MYO9A: variants seen among roughly 807,000 people sequenced by gnomAD.
The protein encoded by MYO9A is myosin IXA.
MYO9A carries 103 observed loss-of-function variants against 293.3 expected under a neutral mutation model. The ratio of observed to expected loss-of-function variants is 0.35; its 90% CI spans 0.30 to 0.41. The LOEUF (loss-of-function observed/expected upper bound fraction) is 0.41. MYO9A is among the 10% of genes least tolerant of loss of function. The pLI is 1.00. For synonymous variants in MYO9A, 1,001 were observed against 1,035.7 expected (o/e 0.97, Z 0.64); for missense variants, 2,685 against 3,033.0 (o/e 0.89, Z 2.69).
intron 14 of MYO9A, chr15:71,958,434 T>C (rs576589102): frequency 6.6e-6 from 1 of 152,316 alleles, no homozygotes; most frequent in African/African-American, 2.4e-5. Flanking sequence ...CACTGATATA[T>C]TGTAATATAA....
intron 2 of MYO9A, 103 bp from the exon 3 acceptor site, chr15:72,032,691 TAAAG>T: frequency 3.2e-6 from 2 of 620,928 alleles, no homozygotes; most frequent in East Asian, 6.2e-5. Flanking sequence ...GACAAAATGT[TAAAG>T]AGACAGTAAA....
intron 19 of MYO9A, among the ~76,000 whole-genome samples, chr15:71,907,199 T>C (rs1405005977): frequency 1.3e-5 from 2 of 151,002 alleles, no homozygotes; most frequent in Non-Finnish European, 3.0e-5. Context: ...CGGTGTTTGG[T>C]TTTTTGTTTT....
intron 1 of MYO9A, among the ~76,000 whole-genome samples, chr15:72,103,967 C>T (rs1200059112): frequency 6.6e-6 from 1 of 152,210 alleles, no homozygotes; most frequent in Admixed American, 6.5e-5. Flanking sequence ...TTCCCTTAAA[C>T]TGAACATTTT....
intron 39 of MYO9A, among the ~76,000 whole-genome samples, chr15:71,831,350 T>C (rs2054718518): frequency 6.6e-6 from 1 of 152,228 alleles, no homozygotes; most frequent in East Asian, 1.9e-4. Flanking sequence ...GAGTTGATTG[T>C]TGAGACAGAG....
intron 1 of MYO9A, among the ~76,000 whole-genome samples, chr15:72,085,319 G>A (rs1426869358): frequency 6.6e-6 from 1 of 151,984 alleles, no homozygotes; most frequent in Non-Finnish European, 1.5e-5. Context: ...TTTCAACCCA[G>A]GAGGCAAATG....
chr15:71,951,423 A>G (rs1322360822), intron 15 of MYO9A, among the ~76,000 whole-genome samples: 1 of 148,448 alleles, frequency 6.7e-6, no homozygotes, highest in African/African-American at 2.5e-5. Flanking sequence ...TTAGACCTCA[A>G]TAAAGTTTTT....
chr15:71,938,357 T>C (rs1201900758), intron 16 of MYO9A, among the ~76,000 whole-genome samples: 1 of 107,674 alleles, frequency 9.3e-6, no homozygotes, highest in South Asian at 3.1e-4. Flanking sequence ...AACAAAATTT[T>C]ATGAACTCAT....
intron 6 of MYO9A, among the ~76,000 whole-genome samples, chr15:72,012,803 T>C (rs997848548): frequency 1.3e-5 from 2 of 152,190 alleles, no homozygotes; most frequent in African/African-American, 4.8e-5. Context: ...TAACTAACAG[T>C]GTTCTAATCT....
At chr15:71,998,262 T>A (rs2076756890) in intron 9 of MYO9A, among the ~76,000 whole-genome samples, 2 of 152,102 alleles carry the variant, frequency 1.3e-5, no homozygotes, top group Non-Finnish European at 2.9e-5. Flanking sequence ...AAGTGGAAAC[T>A]AAATGATGAG....
intron 18 of MYO9A, among the ~76,000 whole-genome samples, chr15:71,930,649 T>C (rs1271472382): frequency 6.6e-6 from 1 of 152,198 alleles, no homozygotes; most frequent in Non-Finnish European, 1.5e-5. Flanking sequence ...TTTTAATGCA[T>C]TCAGGCACTC....
chr15:71,997,246 C>T (rs1171877519), intron 9 of MYO9A, among the ~76,000 whole-genome samples: 1 of 152,058 alleles, frequency 6.6e-6, no homozygotes, highest in East Asian at 1.9e-4. Flanking sequence ...GTACTGTTCC[C>T]CATAGTACCC....
chr15:72,054,225 T>C (rs1474395719), intron 1 of MYO9A, among the ~76,000 whole-genome samples: 1 of 152,154 alleles, frequency 6.6e-6, no homozygotes, highest in Non-Finnish European at 1.5e-5. Context: ...TCCATACTAT[T>C]ATTTTAGGCT....
At chr15:71,883,137 C>G (rs896625886) in intron 28 of MYO9A, among the ~76,000 whole-genome samples, 4 of 152,106 alleles carry the variant, frequency 2.6e-5, no homozygotes, top group African/African-American at 9.7e-5. Flanking sequence ...TGAGTTTTCT[C>G]ATCCATAAAT....
rs540359583 is a variant in MYO9A, at chr15:71,979,703, A to G, written c.1723-1411T>C. Among the ~76,000 whole-genome samples, 7 of 152,344 alleles carry G rather than the reference A, an allele frequency of 4.6e-5. No individual in the cohort carries two copies. In the East Asian group the frequency reaches 9.6e-4, roughly 21 times the overall value. On this transcript the variant is annotated intron_variant, in intron 11 of 41. Coordinates refer to ENST00000356056, the MANE Select transcript of MYO9A (RefSeq NM_006901.4). Reference sequence around the variant, plus strand: ...CAATGTAACAGCTGAGTTGAGACATATGGCCCAAAAAGCCTTAAAAGATCT... The same window carrying G: ...CAATGTAACAGCTGAGTTGAGACATGTGGCCCAAAAAGCCTTAAAAGATCT...
chr15:71,857,852 A>G (rs1053933270), intron 34 of MYO9A, among the ~76,000 whole-genome samples: 53 of 152,374 alleles, frequency 3.5e-4, no homozygotes, highest in African/African-American at 1.2e-3. Flanking sequence ...TTTGCAATCT[A>G]CTCATCTGAC....
At chr15:71,835,594 A>G (rs2054907478) in intron 39 of MYO9A, among the ~76,000 whole-genome samples, 5 of 152,168 alleles carry the variant, frequency 3.3e-5, no homozygotes. Flanking sequence ...TCAACGTACA[A>G]AACTATAAAA....
chr15:72,075,987 T>G (rs998833540), intron 1 of MYO9A, among the ~76,000 whole-genome samples: 1 of 152,084 alleles, frequency 6.6e-6, no homozygotes, highest in African/African-American at 2.4e-5. Context: ...ACTGAAGGCA[T>G]GAAGACTGGA....
intron 6 of MYO9A, among the ~76,000 whole-genome samples, chr15:72,017,329 T>G (rs2077375231): frequency 6.6e-6 from 1 of 152,164 alleles, no homozygotes; most frequent in Non-Finnish European, 1.5e-5. Flanking sequence ...TTCTTAAGTA[T>G]TACTTAGACT....
intron 1 of MYO9A, among the ~76,000 whole-genome samples, chr15:72,101,996 A>G (rs1354152164): frequency 1.3e-5 from 2 of 151,612 alleles, no homozygotes; most frequent in African/African-American, 4.8e-5. Context: ...TGTGCCCAAC[A>G]GCTCATTGAG....
Sources: gnomAD v4.1 joint callset for allele counts (sites outside exome capture counted in the v4.1 genomes callset) on GRCh38, gnomAD v4.1.1 for gene constraint, MANE v1.5 for transcripts, NCBI Gene and HGNC (gene_info 2026-07-23, HGNC 2026-07-21) for gene names.